Variants in PRKX observed in about 807,000 individuals in gnomAD.
PRKX encodes the protein protein kinase cAMP-dependent X-linked catalytic subunit, also known as cAMP-dependent protein kinase catalytic subunit PRKX.
PRKX carries 12 observed loss-of-function variants against 22.0 expected under a neutral mutation model. The ratio of observed to expected loss-of-function variants is 0.54; its 90% CI spans 0.35 to 0.88. PRKX has a LOEUF of 0.88. PRKX is among the 40% of genes least tolerant of loss of function. The pLI is 0.01. For synonymous variants in PRKX, 134 were observed against 137.7 expected (o/e 0.97, Z 0.19); for missense variants, 217 against 308.0 (o/e 0.70, Z 2.21).
intron 1 of PRKX, among the ~76,000 whole-genome samples, chrX:3,677,108 G>A (rs865971473): frequency 4.5e-5 from 5 of 111,121 alleles, no homozygotes; most frequent in African/African-American, 9.8e-5. Context: ...AGTTATCAGA[G>A]GGTAGGGCTT....
At chrX:3,615,754 G>C (rs754375195) in intron 7 of PRKX, 61 bp downstream of exon 7, 41 of 933,712 alleles carry the variant, frequency 4.4e-5, no homozygotes, top group Non-Finnish European at 6.2e-5. Context: ...AGGATTCAGA[G>C]GCAGTCCCTG....
intron 2 of PRKX, among the ~76,000 whole-genome samples, chrX:3,672,524 T>A (rs769974395): frequency 9.0e-6 from 1 of 111,131 alleles, no homozygotes; most frequent in East Asian, 2.8e-4. Context: ...CTCTCACTTG[T>A]ATACTCCACC....
At chrX:3,693,402 G>A (rs1159002463) in intron 1 of PRKX, among the ~76,000 whole-genome samples, 1 of 111,311 alleles carries the variant, frequency 9.0e-6, no homozygotes, top group African/African-American at 3.3e-5. Context: ...AAGAGGGAGG[G>A]TGGAGATGAT....
At chrX:3,689,793 C>CA (rs1285936136) in intron 1 of PRKX, among the ~76,000 whole-genome samples, 1 of 111,361 alleles carries the variant, frequency 9.0e-6, no homozygotes, top group Admixed American at 9.6e-5. Context: ...CTGGCTAACA[C>CA]GGTGAAACCC....
At chrX:3,621,545 G>A (rs1335944539) in intron 5 of PRKX, among the ~76,000 whole-genome samples, 1 of 112,029 alleles carries the variant, frequency 8.9e-6, no homozygotes, top group East Asian at 2.8e-4. Flanking sequence ...GAAGGGGGTT[G>A]ATTACATCTT....
At chrX:3,615,126 C>T (rs1926392577) in intron 7 of PRKX, among the ~76,000 whole-genome samples, 1 of 98,222 alleles carries the variant, frequency 1.0e-5, no homozygotes, top group Admixed American at 1.2e-4. Context: ...TCAAGCAATT[C>T]TTGTGCCTCA....
At chrX:3,692,122 A>G (rs867518417) in intron 1 of PRKX, among the ~76,000 whole-genome samples, 1 of 97,216 alleles carries the variant, frequency 1.0e-5, no homozygotes, top group African/African-American at 3.7e-5. Flanking sequence ...TGGGGAGGGG[A>G]GAGAGGGGGA....
intron 2 of PRKX, among the ~76,000 whole-genome samples, chrX:3,666,911 TAAAAAAAA>T (rs35951668): frequency 1.5e-5 from 1 of 65,792 alleles, no homozygotes; most frequent in Admixed American, 2.3e-4. Context: ...TCATTTCTTT[TAAAAAAAA>T]AAAAAAAAAA....
At chrX:3,617,028 ATACT>A (rs1013764602) in intron 6 of PRKX, among the ~76,000 whole-genome samples, 4 of 111,223 alleles carry the variant, frequency 3.6e-5, no homozygotes, top group African/African-American at 6.5e-5. Context: ...TGATATATAC[ATACT>A]TATACACATA....
chrX:3,664,153 G>A (rs906493331), intron 2 of PRKX, among the ~76,000 whole-genome samples: 5 of 111,873 alleles, frequency 4.5e-5, no homozygotes, highest in Admixed American at 2.9e-4. Flanking sequence ...CCTGCTGCAC[G>A]CACTGGAAGA....
At chrX:3,706,725 G>A (rs920259507) in intron 1 of PRKX, among the ~76,000 whole-genome samples, 5 of 112,159 alleles carry the variant, frequency 4.5e-5, no homozygotes, top group South Asian at 3.6e-4. Context: ...TGCTTTTGTC[G>A]TCCAATCCCA....
chrX:3,655,470 CGTCA>C, intron 2 of PRKX, 58 bp from the exon 3 acceptor site: 1 of 1,185,339 alleles, frequency 8.4e-7, no homozygotes, highest in Non-Finnish European at 1.1e-6. Flanking sequence ...GGGGGTACGC[CGTCA>C]GCTAGGTGTT....
chrX:3,650,644 C>A (rs1014272083), intron 3 of PRKX, among the ~76,000 whole-genome samples: 1 of 109,438 alleles, frequency 9.1e-6, no homozygotes, highest in Admixed American at 9.8e-5. Flanking sequence ...TTTGGAAGGT[C>A]GCGGCAGGTG....
rs1203655305 is a variant in PRKX at position 3,674,685 on chromosome X, G to A, written c.248C>T (p.Pro83Leu). The A allele has an allele frequency of 8.3e-7, 1 of 1,211,416 alleles. No individual in the cohort carries two copies. The highest frequency in any genetic ancestry group is 1.1e-6 in the Non-Finnish European group (1 of 895,090). ...CTCCTGCTTTAGGCGGATGACGTCG[G>A]GAATGCTCATCACCTTGAGGGCGAA... ...HFFALKVMSI[P>L]DVIRLKQEQH... Residue 83 changes from proline (P) to leucine (L), a missense_variant, in exon 2 of 9, where the codon CCC becomes CTC. Transcript: ENST00000262848.
At chrX:3,642,752 A>G (rs1927106469) in intron 3 of PRKX, among the ~76,000 whole-genome samples, 1 of 110,217 alleles carries the variant, frequency 9.1e-6, no homozygotes, top group African/African-American at 3.3e-5. Context: ...TAATCCCAGC[A>G]CTTTGAGAAG....
chrX:3,640,540 C>G (rs1231841139), intron 4 of PRKX, among the ~76,000 whole-genome samples: 1 of 112,011 alleles, frequency 8.9e-6, no homozygotes, highest in Non-Finnish European at 1.9e-5. Flanking sequence ...CTTGAACACT[C>G]AATCATGCTG....
intron 2 of PRKX, among the ~76,000 whole-genome samples, chrX:3,666,725 C>G (rs1927736994): frequency 9.1e-6 from 1 of 110,057 alleles, no homozygotes. Context: ...CTGTGCAACA[C>G]AGCGAGACCC....
At chrX:3,645,525 C>T (rs1280475170) in intron 3 of PRKX, among the ~76,000 whole-genome samples, 2 of 111,963 alleles carry the variant, frequency 1.8e-5, no homozygotes, top group Admixed American at 9.5e-5. Flanking sequence ...GGAATAATTG[C>T]TTAACAGATA....
chrX:3,690,994 T>C (rs1398195173), intron 1 of PRKX, among the ~76,000 whole-genome samples: 1 of 111,365 alleles, frequency 9.0e-6, no homozygotes, highest in Non-Finnish European at 1.9e-5. Context: ...ACCTCCACGA[T>C]AGTGTTGCGG....
Sources: allele counts gnomAD v4.1 joint callset (sites outside exome capture counted in the v4.1 genomes callset), GRCh38; gene constraint gnomAD v4.1.1; transcripts MANE v1.5; gene names NCBI Gene and HGNC (gene_info 2026-07-23, HGNC 2026-07-21).